DMXL1: variants seen among roughly 807,000 people sequenced by gnomAD.
DMXL1 encodes the protein Dmx like 1.
In DMXL1, 99 loss-of-function variants were observed where a neutral mutation model predicts 319.2. The observed-to-expected ratio is 0.31, with a 90% CI of 0.26 to 0.37. The LOEUF (loss-of-function observed/expected upper bound fraction) is 0.37. Among genes scored for constraint, DMXL1 ranks in the 10% least tolerant of loss-of-function variants. The pLI, the probability that DMXL1 is intolerant of heterozygous loss-of-function variation, is 1.00. For synonymous variants in DMXL1, 1,385 were observed against 1,235.2 expected, an observed-to-expected ratio of 1.12 and a Z score of -2.54; for missense variants, 3,745 against 3,595.6, an observed-to-expected ratio of 1.04 and a Z score of -1.06.
intron 37 of DMXL1, 65 bp downstream of exon 37, chr5:119,221,146 A>C (rs1581405927): frequency 1.7e-6 from 2 of 1,166,672 alleles, no homozygotes; most frequent in Admixed American, 5.3e-5. Flanking sequence ...AGGTTAATGG[A>C]TAAAGGATGA....
At chr5:119,189,952 G>A (rs950250309) in intron 29 of DMXL1, 66 bp downstream of exon 29, 15 of 1,483,256 alleles carry the variant, frequency 1.0e-5, no homozygotes, top group Non-Finnish European at 1.2e-5. Flanking sequence ...TCAGAAATAA[G>A]TGTCATTTTT....
At chr5:119,137,600 C>T (rs1170194890) in intron 13 of DMXL1, among the ~76,000 whole-genome samples, 1 of 152,126 alleles carries the variant, frequency 6.6e-6, no homozygotes, top group Non-Finnish European at 1.5e-5. Context: ...AACATGGTGG[C>T]CATTTCCCTT....
At chr5:119,095,114 C>T (rs1162461095) in intron 1 of DMXL1, among the ~76,000 whole-genome samples, 1 of 152,174 alleles carries the variant, frequency 6.6e-6, no homozygotes, top group Non-Finnish European at 1.5e-5. Flanking sequence ...CTTGGCCTCC[C>T]AAGGTTCTGG....
chr5:119,134,065 G>A lies in DMXL1; in HGVS notation c.2141G>A (p.Gly714Glu), dbSNP rs1301150380. 2 of 1,614,078 alleles carry A rather than the reference G, an allele frequency of 1.2e-6. No homozygotes were observed. Among genetic ancestry groups the A allele is most frequent in the Non-Finnish European group, 1.7e-6 (2 of 1,180,014 alleles). Reference sequence around the variant, plus strand: ...ATTCTGTGGAGGGTTGACCCAGTTGGGCCATTGTCTTTTTCTGGAGGAGTT... The same window carrying A: ...ATTCTGTGGAGGGTTGACCCAGTTGAGCCATTGTCTTTTTCTGGAGGAGTT... ...ELILWRVDPV[G>E]PLSFSGGVSE... The change falls in exon 12 of 44, where the codon GGG (glycine) becomes GAG (glutamate). Residue 714 changes from glycine (G) to glutamate (E), a missense_variant. This residue lies in a region of DMXL1 where 2,096 missense variants were observed against 1,985.4 expected (regional missense o/e 1.06). Transcript: ENST00000539542.
At chr5:119,182,516 G>T (rs1776957799) in intron 28 of DMXL1, among the ~76,000 whole-genome samples, 1 of 151,908 alleles carries the variant, frequency 6.6e-6, no homozygotes, top group Non-Finnish European at 1.5e-5. Flanking sequence ...TATAAATTTG[G>T]ATTTAAATTT....
Position 119,196,389 on chromosome 5 carries a change from G to A in DMXL1, c.7476G>A (p.Leu2492=), listed in dbSNP as rs1337188665. Residue 2492 remains leucine, a synonymous_variant, in exon 31 of 44, where the codon TTG becomes TTA. Transcript: ENST00000539542. ...TTTTTAGTTGGTCCTTGATGCGGTT[G>A]GCGATGGTGCAATTGGTGCTCAACA... ...SNSYSWSLMR[L]AMVQLVLNNL... is the part of the protein sequence containing the mutation. 2 of 1,613,828 alleles carry A rather than the reference G, an allele frequency of 1.2e-6. No homozygotes were observed. Among genetic ancestry groups the A allele is most frequent in the East Asian group, 2.2e-5 (1 of 44,868 alleles).
intron 1 of DMXL1, among the ~76,000 whole-genome samples, chr5:119,092,844 C>T (rs1318079481): frequency 6.6e-6 from 1 of 152,146 alleles, no homozygotes; most frequent in Non-Finnish European, 1.5e-5. Flanking sequence ...CTTTTTATGG[C>T]TTAATAATAT....
chr5:119,106,147 G>A (rs1397626616), intron 4 of DMXL1, among the ~76,000 whole-genome samples: 2 of 151,882 alleles, frequency 1.3e-5, no homozygotes, highest in Admixed American at 6.6e-5. Flanking sequence ...CTTGCTGCTT[G>A]CTATCTACTG....
chr5:119,080,728 A>T (rs1752013088), intron 1 of DMXL1, among the ~76,000 whole-genome samples: 1 of 152,348 alleles, frequency 6.6e-6, no homozygotes, highest in African/African-American at 2.4e-5. Context: ...AAGGCAGATT[A>T]GGATAAGGTA....
At chr5:119,147,088 TAATTC>T (rs1768726772) in intron 16 of DMXL1, 132 bp downstream of exon 16, 1 of 1,182,390 alleles carries the variant, frequency 8.5e-7, no homozygotes, top group Admixed American at 2.7e-5. Flanking sequence ...ATTATTCAAT[TAATTC>T]AAAAAGCTTT....
chr5:119,123,344 G>GGAGAGGAGGGAGAGA (rs1171216047), intron 9 of DMXL1, among the ~76,000 whole-genome samples: 1 of 129,276 alleles, frequency 7.7e-6, no homozygotes, highest in African/African-American at 2.7e-5. Context: ...GGAGGGAGAG[G>GGAGAGGAGGGAGAGA]GAGAGGAGGG....
chr5:119,171,835 C>T lies in DMXL1; in HGVS notation c.6547C>T (p.Leu2183Phe), dbSNP rs1459839961. ...GTCAGAGCAAACCTCAGTGCCTCTC[C>T]TCTTTGCTTGTACAGCCAATGCCAA... ...PLSEQTSVPL[L>F]FACTANAKTV... The change falls in exon 25 of 44, where the codon CTC (leucine) becomes TTC (phenylalanine). Residue 2183 changes from leucine to phenylalanine, a missense_variant. Physicochemically the swap from Leu to Phe is conservative, Grantham distance 22. Around this residue, in one of 4 missense-constraint regions of DMXL1, gnomAD observed 1,382 missense variants for 1,269.5 expected, o/e 1.09. Coordinates refer to ENST00000539542, the MANE Select transcript of DMXL1 (RefSeq NM_001290321.3). The T allele has an allele frequency of 6.2e-7, 1 of 1,613,726 alleles. No individual in the cohort carries two copies. The highest frequency in any genetic ancestry group is 8.5e-7 in the Non-Finnish European group (1 of 1,179,852).
At position 119,115,847 on chromosome 5, in the gene DMXL1, T is replaced by C. The variant is rs73242931; in HGVS notation, c.565-311T>C. On this transcript the variant is annotated intron_variant, in intron 6 of 43. Coordinates refer to ENST00000539542, the MANE Select transcript of DMXL1 (RefSeq NM_001290321.3). ...TTGATTACTTATTTAATATTTGGCTTACTGGAAAAGACGTCCTTAATTTTA... is the reference window on the plus strand; with the variant it reads ...TTGATTACTTATTTAATATTTGGCTCACTGGAAAAGACGTCCTTAATTTTA... Among the ~76,000 whole-genome samples the C allele has an allele frequency of 1.8e-3, 279 of 152,324 alleles. 1 individual carries two copies. The highest frequency in any genetic ancestry group is 6.2e-3 in the African/African-American group (257 of 41,580).
At chr5:119,120,721 A>C (rs1309286180) in intron 8 of DMXL1, among the ~76,000 whole-genome samples, 2 of 152,252 alleles carry the variant, frequency 1.3e-5, no homozygotes, top group Non-Finnish European at 1.5e-5. Flanking sequence ...TAAAAATTGC[A>C]AAACACTGTG....
chr5:119,154,455 C>T (rs1770557055), intron 19 of DMXL1, among the ~76,000 whole-genome samples: 1 of 152,220 alleles, frequency 6.6e-6, no homozygotes, highest in South Asian at 2.1e-4. Context: ...CTAGATGGAT[C>T]GAACTAGCCA....
chr5:119,214,069 A>T (rs1186215514), intron 34 of DMXL1, among the ~76,000 whole-genome samples: 1 of 152,054 alleles, frequency 6.6e-6, no homozygotes, highest in African/African-American at 2.4e-5. Context: ...TACGGTTTAA[A>T]TATTAATATA....
intron 35 of DMXL1, among the ~76,000 whole-genome samples, chr5:119,219,724 TG>T: frequency 6.6e-6 from 1 of 152,078 alleles, no homozygotes; most frequent in African/African-American, 2.4e-5. Flanking sequence ...CATGCCACCA[TG>T]CCCAACTAAT....
chr5:119,157,982 C>A (rs536159535), intron 19 of DMXL1, among the ~76,000 whole-genome samples: 3 of 152,086 alleles, frequency 2.0e-5, no homozygotes, highest in South Asian at 2.1e-4. Flanking sequence ...GGATATCTTA[C>A]CATTTATTTG....
chr5:119,237,550 A>T (rs1175055203), intron 40 of DMXL1, 136 bp downstream of exon 40: 59 of 563,932 alleles, frequency 1.0e-4, no homozygotes, highest in Middle Eastern at 5.0e-4. Flanking sequence ...TTGCTGTAAG[A>T]TTCTGTCCTT....
Sources: allele counts gnomAD v4.1 joint callset (sites outside exome capture counted in the v4.1 genomes callset), GRCh38; gene constraint gnomAD v4.1.1; regional missense constraint gnomAD v4.1.1; transcripts MANE v1.5; gene names NCBI Gene and HGNC (gene_info 2026-07-23, HGNC 2026-07-21).